The following SEPTIN2 variants were observed in gnomAD, a reference collection of about 807,000 sequenced individuals.
SEPTIN2 encodes the protein septin 2, also known as septin-2.
In SEPTIN2, 34 loss-of-function variants were observed where a neutral mutation model predicts 46.5. The observed-to-expected ratio is 0.73, with a 90% CI of 0.56 to 0.97. The LOEUF is 0.97. Among genes scored for constraint, SEPTIN2 ranks in the 50% least tolerant of loss-of-function variants. The pLI is 0.00. For missense variants in SEPTIN2, 347 were observed against 448.4 expected (o/e 0.77, Z 2.04); for synonymous variants, 175 against 153.4 (o/e 1.14, Z -1.04).
chr2:241,342,934 T>A, intron 7 of SEPTIN2, 58 bp from the exon 8 acceptor site: 1 of 822,170 alleles, frequency 1.2e-6, no homozygotes, highest in Non-Finnish European at 2.0e-6. Context: ...GAGCTAGAAT[T>A]GGCTACAATA....
At chr2:241,324,115 T>G in intron 1 of SEPTIN2, 101 bp from the exon 2 acceptor site, 1 of 1,059,116 alleles carries the variant, frequency 9.4e-7, no homozygotes, top group South Asian at 1.4e-5. Flanking sequence ...TATGTATGTG[T>G]AAGTCTTCTT....
chr2:241,345,926 G>A (rs537574707), intron 9 of SEPTIN2, among the ~76,000 whole-genome samples: 1 of 152,314 alleles, frequency 6.6e-6, no homozygotes, highest in South Asian at 2.1e-4. Flanking sequence ...AAATCCCCCT[G>A]AGAGACTCAG....
chr2:241,341,273 T>G (rs934379866), intron 7 of SEPTIN2, among the ~76,000 whole-genome samples: 1 of 152,226 alleles, frequency 6.6e-6, no homozygotes, highest in African/African-American at 2.4e-5. Flanking sequence ...TGGACTCCTG[T>G]CCTTCCAGCT....
At chr2:241,338,956 A>T (rs1459507944) in intron 7 of SEPTIN2, among the ~76,000 whole-genome samples, 4 of 100,476 alleles carry the variant, frequency 4.0e-5, no homozygotes, top group Non-Finnish European at 7.4e-5. Context: ...TATATATATA[A>T]TATATATTAT....
intron 7 of SEPTIN2, among the ~76,000 whole-genome samples, chr2:241,338,917 A>T: frequency 1.1e-5 from 1 of 95,038 alleles, no homozygotes; most frequent in African/African-American, 4.2e-5. Context: ...TATAATATAT[A>T]TAATTGTACA....
intron 6 of SEPTIN2, 43 bp from the exon 7 acceptor site, chr2:241,337,630 T>A: frequency 6.3e-7 from 1 of 1,585,842 alleles, no homozygotes. Flanking sequence ...GAGTTTTGTA[T>A]GTATTTTTTT....
chr2:241,344,004 T>G (rs2081627096), intron 9 of SEPTIN2, 107 bp downstream of exon 9: 4 of 1,324,864 alleles, frequency 3.0e-6, no homozygotes, highest in Non-Finnish European at 4.3e-6. Context: ...GCAGCTTCAT[T>G]GCCGCCCTCA....
chr2:241,343,205 A>G (rs2081487894), intron 8 of SEPTIN2, 112 bp downstream of exon 8: 2 of 693,740 alleles, frequency 2.9e-6, no homozygotes, highest in Non-Finnish European at 5.1e-6. Flanking sequence ...TTTTGCTTTC[A>G]ATATATTTTA....
intron 1 of SEPTIN2, chr2:241,316,415 C>T (rs13006939): frequency 0.2 from 259,027 of 1,273,650 alleles, 29,079 homozygotes; most frequent in Middle Eastern, 0.27. Context: ...GCCATTTCCT[C>T]CCTGAGGCGT....
chr2:241,321,759 C>T (rs1299761828), intron 1 of SEPTIN2, among the ~76,000 whole-genome samples: 1 of 152,070 alleles, frequency 6.6e-6, no homozygotes, highest in Non-Finnish European at 1.5e-5. Context: ...GATGAAGTTG[C>T]TGTTTCCTCC....
chr2:241,331,869 C>G (rs1477705201), intron 3 of SEPTIN2, among the ~76,000 whole-genome samples: 2 of 152,174 alleles, frequency 1.3e-5, no homozygotes, highest in African/African-American at 2.4e-5. Context: ...ATACACAGAT[C>G]TACTAAACAG....
At chr2:241,351,714 A>G (rs1487087782) in intron 12 of SEPTIN2, 7 of 152,108 alleles carry the variant, frequency 4.6e-5, no homozygotes, top group Non-Finnish European at 1.0e-4. Flanking sequence ...TTCATTTTCA[A>G]CCTTTATGGA....
At chr2:241,324,955 GATT>G (rs2077701721) in intron 2 of SEPTIN2, 2 of 144,284 alleles carry the variant, frequency 1.4e-5, no homozygotes, top group African/African-American at 5.0e-5. Flanking sequence ...AACATTGCAA[GATT>G]ATTATTTCTG....
intron 1 of SEPTIN2, among the ~76,000 whole-genome samples, chr2:241,322,991 C>CAT (rs138504177): frequency 0.025 from 3,827 of 151,864 alleles, 391 homozygotes; most frequent in Admixed American, 0.18. Flanking sequence ...TATGTGCGTA[C>CAT]ATATATATAT....
At position 241,336,082 on chromosome 2, in the gene SEPTIN2, A is replaced by G. The variant is rs926928192; in HGVS notation, c.325A>G (p.Ile109Val). The part of the protein sequence containing the change: ...VVDTPGYGDA[I>V]NCRDCFKTII... The stretch of plus-strand genomic sequence containing the variant: ...AGATACCCCTGGCTATGGTGACGCT[A>G]TCAACTGCAGAGATTGGTATGCTCC... The change falls in exon 5 of 13, where the codon ATC (isoleucine) becomes GTC (valine). Residue 109 changes from isoleucine (I) to valine (V), a missense_variant. Transcript: ENST00000391971. 2 of 1,614,192 alleles carry G rather than the reference A, an allele frequency of 1.2e-6. No homozygotes were observed. The highest frequency in any genetic ancestry group is 1.7e-5 in the Admixed American group (1 of 60,024).
chr2:241,349,113 A>C (rs1024938195), intron 11 of SEPTIN2, among the ~76,000 whole-genome samples: 3 of 152,160 alleles, frequency 2.0e-5, no homozygotes, highest in Non-Finnish European at 4.4e-5. Flanking sequence ...TAGTCCCAGC[A>C]CTTTAGGAGG....
At chr2:241,342,806 G>A (rs1033669050) in intron 7 of SEPTIN2, among the ~76,000 whole-genome samples, 186 bp from the exon 8 acceptor site, 1 of 152,022 alleles carries the variant, frequency 6.6e-6, no homozygotes, top group Non-Finnish European at 1.5e-5. Context: ...AAAGTGCTGG[G>A]ATTACAGACG....
chr2:241,316,648 G>T, intron 1 of SEPTIN2: 1 of 910,486 alleles, frequency 1.1e-6, no homozygotes, highest in Non-Finnish European at 1.6e-6. Flanking sequence ...CGTGGTCTCA[G>T]TGGAGTCCCA....
intron 8 of SEPTIN2, among the ~76,000 whole-genome samples, chr2:241,343,497 C>CAA (rs34209547): frequency 1.6e-5 from 2 of 125,358 alleles, no homozygotes; most frequent in Non-Finnish European, 3.5e-5. Flanking sequence ...GACTCTGTCT[C>CAA]AAAAAAAAAA....
Sources: allele counts gnomAD v4.1 joint callset (sites outside exome capture counted in the v4.1 genomes callset), GRCh38; gene constraint gnomAD v4.1.1; transcripts MANE v1.5; gene names NCBI Gene and HGNC (gene_info 2026-07-23, HGNC 2026-07-21).